The following OSBPL8 variants were observed in gnomAD, a reference collection of about 807,000 sequenced individuals.
OSBPL8 encodes the protein oxysterol-binding protein-related protein 8.
Under a neutral mutation model 125.5 loss-of-function variants are expected in OSBPL8, and 59 were observed. The observed-to-expected ratio is 0.47, with a 90% CI of 0.38 to 0.58. OSBPL8 has a LOEUF of 0.58. OSBPL8 is among the 20% of genes least tolerant of loss of function. OSBPL8 has a pLI of 0.00. For missense variants in OSBPL8, 758 were observed against 1,047.8 expected, an observed-to-expected ratio of 0.72 and a Z score of 3.82; for synonymous variants, 330 against 338.9, an observed-to-expected ratio of 0.97 and a Z score of 0.29.
intron 4 of OSBPL8, among the ~76,000 whole-genome samples, chr12:76,433,959 A>T (rs1184514426): frequency 7.4e-6 from 1 of 134,856 alleles, no homozygotes; most frequent in Non-Finnish European, 1.6e-5. Flanking sequence ...TGGGCAACAG[A>T]GTGAGACTCC....
chr12:76,398,313 T>G (rs932168690), intron 7 of OSBPL8, among the ~76,000 whole-genome samples: 1 of 152,204 alleles, frequency 6.6e-6, no homozygotes, highest in East Asian at 1.9e-4. Context: ...CTGAAAACAC[T>G]GCTGGCACAC....
chr12:76,483,621 A>AT (rs1877788453), intron 2 of OSBPL8, among the ~76,000 whole-genome samples: 1 of 124,784 alleles, frequency 8.0e-6, no homozygotes, highest in African/African-American at 3.2e-5. Context: ...ATAAAGTCAG[A>AT]TTTTTTTCAC....
At chr12:76,499,152 T>A (rs1879600418) in intron 1 of OSBPL8, among the ~76,000 whole-genome samples, 1 of 152,122 alleles carries the variant, frequency 6.6e-6, no homozygotes, top group African/African-American at 2.4e-5. Context: ...CCTCCCAACC[T>A]ACGTCTTTCT....
chr12:76,389,010 A>ATG (rs1953443330), intron 12 of OSBPL8, among the ~76,000 whole-genome samples: 1 of 152,164 alleles, frequency 6.6e-6, no homozygotes, highest in Non-Finnish European at 1.5e-5. Context: ...GCATCAGGTA[A>ATG]GAATTGGAAG....
intron 2 of OSBPL8, among the ~76,000 whole-genome samples, chr12:76,475,428 T>C (rs1038997419): frequency 3.9e-5 from 6 of 152,218 alleles, no homozygotes; most frequent in Non-Finnish European, 7.3e-5. Flanking sequence ...TGTTAAATAA[T>C]TTCACTGTCT....
chr12:76,456,062 A>G lies in OSBPL8; in HGVS notation c.79+3797T>C, dbSNP rs117807249. ...CATATCTGCTGCATCTAAGGAGAACATGAATCAAAAACATTTTTACCTTCT... is the reference window on the plus strand; with the variant it reads ...CATATCTGCTGCATCTAAGGAGAACGTGAATCAAAAACATTTTTACCTTCT... On this transcript the variant is annotated intron_variant, in intron 3 of 23. Coordinates refer to ENST00000261183, the MANE Select transcript of OSBPL8 (RefSeq NM_020841.5). 1.2e-4 allele frequency among the ~76,000 whole-genome samples: 18 copies of G among 152,358 alleles called. No individual in the cohort carries two copies. The East Asian group carries it at 3.3e-3, about 28-fold the overall frequency.
At chr12:76,500,392 A>C (rs1020602283) in intron 1 of OSBPL8, among the ~76,000 whole-genome samples, 6 of 152,240 alleles carry the variant, frequency 3.9e-5, no homozygotes, top group African/African-American at 1.4e-4. Context: ...AGTGAAGTCC[A>C]AGTCATATAT....
At chr12:76,550,574 C>A (rs1158399757) in intron 1 of OSBPL8, among the ~76,000 whole-genome samples, 1 of 152,128 alleles carries the variant, frequency 6.6e-6, no homozygotes, top group East Asian at 1.9e-4. Context: ...CTAACACTAA[C>A]AATAGCTGAT....
At chr12:76,471,827 A>G (rs1374364801) in intron 2 of OSBPL8, among the ~76,000 whole-genome samples, 1 of 152,210 alleles carries the variant, frequency 6.6e-6, no homozygotes, top group Non-Finnish European at 1.5e-5. Flanking sequence ...GTTGTTGAAC[A>G]ATTTACTTGT....
chr12:76,549,110 A>C (rs562181683), intron 1 of OSBPL8, among the ~76,000 whole-genome samples: 22 of 152,250 alleles, frequency 1.4e-4, no homozygotes, highest in African/African-American at 1.9e-4. Flanking sequence ...GGGAAAAAAA[A>C]CCCACAAAAT....
intron 16 of OSBPL8, among the ~76,000 whole-genome samples, chr12:76,376,023 A>G (rs992181043): frequency 6.6e-6 from 1 of 152,210 alleles, no homozygotes; most frequent in Non-Finnish European, 1.5e-5. Context: ...AAATAGAAGC[A>G]TATATAAAAC....
chr12:76,400,053 A>G, intron 6 of OSBPL8, 79 bp from the exon 7 acceptor site: 1 of 1,070,948 alleles, frequency 9.3e-7, no homozygotes, highest in Non-Finnish European at 1.3e-6. Context: ...GTACAAATGC[A>G]GGTTTGTTAT....
intron 4 of OSBPL8, among the ~76,000 whole-genome samples, chr12:76,411,404 C>T (rs181837460): frequency 6.6e-5 from 10 of 152,068 alleles, no homozygotes; most frequent in Admixed American, 3.3e-4. Flanking sequence ...ATTAACTCTT[C>T]CCTATAATTA....
intron 4 of OSBPL8, among the ~76,000 whole-genome samples, chr12:76,416,695 C>T (rs1868715926): frequency 6.6e-6 from 1 of 151,980 alleles, no homozygotes; most frequent in South Asian, 2.1e-4. Flanking sequence ...CCCAACTTTT[C>T]TTTATTCTTT....
At chr12:76,475,917 T>C (rs975931469) in intron 2 of OSBPL8, among the ~76,000 whole-genome samples, 2 of 152,226 alleles carry the variant, frequency 1.3e-5, no homozygotes, top group Admixed American at 6.5e-5. Flanking sequence ...TTTTAAACTG[T>C]GCGTGTACAC....
In OSBPL8 at chr12:76,436,637, G is replaced by T. The variant is rs187633157; in HGVS notation, c.217+14214C>A. 1.2e-3 allele frequency among the ~76,000 whole-genome samples: 182 copies of T among 152,040 alleles called. 1 individual carries two copies. Among genetic ancestry groups the T allele is most frequent in the African/African-American group, 4.1e-3 (169 of 41,498 alleles). On this transcript the variant is annotated intron_variant, in intron 4 of 23. Transcript: ENST00000261183. ...TAAAGGACAATGTTTTGAATTGAAG[G>T]AACTTAACTTAATAAAAAACTCATG...
At chr12:76,534,833 T>C (rs1208782183) in intron 1 of OSBPL8, among the ~76,000 whole-genome samples, 1 of 151,796 alleles carries the variant, frequency 6.6e-6, no homozygotes, top group Non-Finnish European at 1.5e-5. Flanking sequence ...GAATAAGGAG[T>C]CTAGAAATGG....
intron 12 of OSBPL8, among the ~76,000 whole-genome samples, chr12:76,389,309 G>A (rs1370813970): frequency 6.6e-6 from 1 of 152,208 alleles, no homozygotes; most frequent in Non-Finnish European, 1.5e-5. Context: ...AAGTGTTTTT[G>A]TAGAGGAGAA....
intron 5 of OSBPL8, among the ~76,000 whole-genome samples, chr12:76,408,302 A>G (rs1954359390): frequency 6.6e-6 from 1 of 151,604 alleles, no homozygotes; most frequent in African/African-American, 2.4e-5. Context: ...TCTACTAAAA[A>G]TACAAAAAAA....
Sources: allele counts gnomAD v4.1 joint callset (sites outside exome capture counted in the v4.1 genomes callset), GRCh38; gene constraint gnomAD v4.1.1; transcripts MANE v1.5; gene names NCBI Gene and HGNC (gene_info 2026-07-23, HGNC 2026-07-21).